The following DOK5 variants were observed in gnomAD, a reference collection of about 807,000 sequenced individuals.
The protein encoded by DOK5 is docking protein 5, also known as downstream of tyrosine kinase 5.
Under a neutral mutation model 43.3 loss-of-function variants are expected in DOK5, and 27 were observed. The ratio of observed to expected loss-of-function variants is 0.62; its 90% confidence interval spans 0.46 to 0.86. The LOEUF is 0.86. Among genes scored for constraint, DOK5 ranks in the 40% least tolerant of loss-of-function variants. The probability of loss-of-function intolerance (pLI) is 0.00; values close to 1 mark genes in which losing one functional copy is unlikely to be tolerated. For synonymous variants in DOK5, 146 were observed against 140.1 expected (o/e 1.04, Z -0.30); for missense variants, 373 against 392.9 (o/e 0.95, Z 0.43).
intron 2 of DOK5, among the ~76,000 whole-genome samples, chr20:54,565,878 C>T (rs768830342): frequency 5.3e-5 from 8 of 151,828 alleles, no homozygotes; most frequent in Admixed American, 1.3e-4. Context: ...ATTAGCCGGG[C>T]GTGGTGGTGT....
chr20:54,611,524 G>A (rs962621843), intron 6 of DOK5, among the ~76,000 whole-genome samples: 3 of 152,076 alleles, frequency 2.0e-5, no homozygotes, highest in Non-Finnish European at 4.4e-5. Context: ...TTGTGCCACT[G>A]CACTTCAGCC....
chr20:54,588,113 A>T (rs953363275), intron 2 of DOK5, among the ~76,000 whole-genome samples: 3 of 152,174 alleles, frequency 2.0e-5, no homozygotes, highest in Non-Finnish European at 4.4e-5. Flanking sequence ...CAGCTGAGAA[A>T]GAAGGCTGTC....
At chr20:54,644,426 C>T (rs546619970) in intron 7 of DOK5, among the ~76,000 whole-genome samples, 30 of 152,114 alleles carry the variant, frequency 2.0e-4, no homozygotes, top group South Asian at 8.3e-4. Flanking sequence ...AATACAAGGC[C>T]GGGCGCAGTG....
chr20:54,615,213 C>T (rs1409712886), intron 6 of DOK5, among the ~76,000 whole-genome samples: 2 of 152,148 alleles, frequency 1.3e-5, no homozygotes, highest in Admixed American at 6.5e-5. Flanking sequence ...AGCCTTATGA[C>T]CCTCAATCCC....
At chr20:54,648,015 C>T (rs756023630) in intron 7 of DOK5, among the ~76,000 whole-genome samples, 23 of 152,146 alleles carry the variant, frequency 1.5e-4, no homozygotes, top group Non-Finnish European at 2.5e-4. Context: ...ACCAGCTTTC[C>T]GCTGGGACCT....
At chr20:54,520,817 C>G (rs1486525955) in intron 1 of DOK5, among the ~76,000 whole-genome samples, 1 of 134,526 alleles carries the variant, frequency 7.4e-6, no homozygotes, top group African/African-American at 2.6e-5. Flanking sequence ...ACAAAAAAAC[C>G]TACATGTCTT....
At chr20:54,622,895 T>C (rs923069906) in intron 6 of DOK5, among the ~76,000 whole-genome samples, 9 of 152,234 alleles carry the variant, frequency 5.9e-5, no homozygotes, top group East Asian at 1.9e-4. Flanking sequence ...TGATCTGTTT[T>C]GGGAAGTCAA....
intron 1 of DOK5, among the ~76,000 whole-genome samples, chr20:54,507,977 A>G (rs1464532096): frequency 6.6e-6 from 1 of 152,184 alleles, no homozygotes; most frequent in African/African-American, 2.4e-5. Context: ...ACTGACTGCT[A>G]TGCAGAGAGT....
chr20:54,492,207 C>A (rs185910101), intron 1 of DOK5, among the ~76,000 whole-genome samples: 31 of 152,120 alleles, frequency 2.0e-4, no homozygotes, highest in Non-Finnish European at 3.5e-4. Context: ...GGTCTCACTT[C>A]CTGGGGTTAG....
intron 1 of DOK5, among the ~76,000 whole-genome samples, chr20:54,534,326 T>C (rs1983879587): frequency 6.6e-6 from 1 of 152,160 alleles, no homozygotes; most frequent in Non-Finnish European, 1.5e-5. Context: ...TAGCTGAGAC[T>C]ACAGGCGCAC....
chr20:54,535,258 T>G (rs981933941), intron 1 of DOK5, among the ~76,000 whole-genome samples: 1 of 152,114 alleles, frequency 6.6e-6, no homozygotes, highest in African/African-American at 2.4e-5. Flanking sequence ...ATTCTTCCCC[T>G]TCTGCCCTTT....
intron 2 of DOK5, among the ~76,000 whole-genome samples, chr20:54,561,622 T>C (rs575686890): frequency 6.6e-6 from 1 of 152,328 alleles, no homozygotes; most frequent in African/African-American, 2.4e-5. Context: ...ATTTGTTTTA[T>C]ATGAGAGGAA....
chr20:54,628,640 C>G (rs531450396), intron 6 of DOK5, among the ~76,000 whole-genome samples: 1 of 152,126 alleles, frequency 6.6e-6, no homozygotes, highest in African/African-American at 2.4e-5. Flanking sequence ...TCCAGAGGAA[C>G]TGGTTACTGC....
intron 6 of DOK5, among the ~76,000 whole-genome samples, chr20:54,642,442 A>G (rs1189619431): frequency 6.7e-6 from 1 of 149,416 alleles, no homozygotes; most frequent in Non-Finnish European, 1.5e-5. Context: ...GGTGGCTGAC[A>G]CCTGTAATCC....
intron 1 of DOK5, among the ~76,000 whole-genome samples, chr20:54,481,225 A>G (rs1007700991): frequency 6.6e-6 from 1 of 151,670 alleles, no homozygotes; most frequent in African/African-American, 2.4e-5. Context: ...GCTGGAGTGT[A>G]GTGGCGTGAT....
intron 6 of DOK5, among the ~76,000 whole-genome samples, chr20:54,633,919 T>G (rs1246406240): frequency 6.6e-6 from 1 of 152,184 alleles, no homozygotes; most frequent in Non-Finnish European, 1.5e-5. Context: ...CTGTTCAATT[T>G]TGCAAAACAC....
intron 2 of DOK5, among the ~76,000 whole-genome samples, chr20:54,557,539 C>T (rs568381212): frequency 1.2e-3 from 178 of 152,252 alleles, no homozygotes; most frequent in African/African-American, 4.1e-3. Flanking sequence ...CTGGTCAATG[C>T]GATCACGCGA....
intron 1 of DOK5, among the ~76,000 whole-genome samples, chr20:54,532,702 T>C (rs1983820200): frequency 6.6e-6 from 1 of 152,196 alleles, no homozygotes. Context: ...GTGTCACTTT[T>C]GCTCTTGTTT....
chr20:54,505,581 C>T (rs1480688354), intron 1 of DOK5, among the ~76,000 whole-genome samples: 1 of 151,776 alleles, frequency 6.6e-6, no homozygotes, highest in Non-Finnish European at 1.5e-5. Flanking sequence ...AAAAAGAAAA[C>T]CCCCAAAATG....
Sources: gnomAD v4.1 joint callset for allele counts (sites outside exome capture counted in the v4.1 genomes callset) on GRCh38, gnomAD v4.1.1 for gene constraint, MANE v1.5 for transcripts, NCBI Gene and HGNC (gene_info 2026-07-23, HGNC 2026-07-21) for gene names.